The following ASXL3 variants were observed in gnomAD, a reference collection of about 807,000 sequenced individuals.
The protein encoded by ASXL3 is putative Polycomb group protein ASXL3.
Under a neutral mutation model 170.6 loss-of-function variants are expected in ASXL3, and 34 were observed. The ratio of observed to expected loss-of-function variants is 0.20; its 90% confidence interval spans 0.15 to 0.27. The LOEUF is 0.27. Ranked by LOEUF, ASXL3 falls within the 10% of genes least tolerant of loss-of-function variation. The pLI is 1.00. For missense variants in ASXL3, 2,592 were observed against 2,695.3 expected, an observed-to-expected ratio of 0.96 and a Z score of 0.85; for synonymous variants, 1,002 against 989.1, an observed-to-expected ratio of 1.01 and a Z score of -0.24.
At chr18:33,594,852 G>C (rs2065111184) in intron 1 of ASXL3, among the ~76,000 whole-genome samples, 1 of 152,088 alleles carries the variant, frequency 6.6e-6, no homozygotes. Flanking sequence ...TGGGATTACA[G>C]GCATGAACCA....
intron 9 of ASXL3, among the ~76,000 whole-genome samples, chr18:33,733,856 G>A (rs1445740473): frequency 2.0e-5 from 3 of 152,086 alleles, no homozygotes; most frequent in African/African-American, 7.2e-5. Flanking sequence ...TCCTATATGT[G>A]GTCCTCCTTA....
intron 8 of ASXL3, among the ~76,000 whole-genome samples, chr18:33,724,819 T>C (rs1448444091): frequency 6.6e-6 from 1 of 152,164 alleles, no homozygotes; most frequent in Non-Finnish European, 1.5e-5. Flanking sequence ...ATTGTCTTAC[T>C]GCAATTTTGG....
intron 7 of ASXL3, among the ~76,000 whole-genome samples, chr18:33,672,452 C>G (rs771207330): frequency 6.6e-6 from 1 of 152,136 alleles, no homozygotes; most frequent in Non-Finnish European, 1.5e-5. Context: ...AACTTTTCAT[C>G]AGGAACCCCC....
chr18:33,657,021 T>G (rs1180741554), intron 4 of ASXL3, among the ~76,000 whole-genome samples: 1 of 152,142 alleles, frequency 6.6e-6, no homozygotes, highest in East Asian at 1.9e-4. Flanking sequence ...TCTTCGCATG[T>G]AAGTCCCTGA....
At chr18:33,626,912 G>A (rs889701817) in intron 2 of ASXL3, 6 of 153,046 alleles carry the variant, frequency 3.9e-5, no homozygotes, top group South Asian at 2.1e-4. Context: ...TGTGTATGAA[G>A]GATCTTCCTC....
chr18:33,631,863 A>G (rs565545017), intron 2 of ASXL3, among the ~76,000 whole-genome samples: 1 of 152,274 alleles, frequency 6.6e-6, no homozygotes, highest in East Asian at 1.9e-4. Context: ...AATATTTTAA[A>G]CCATTTGATG....
intron 4 of ASXL3, among the ~76,000 whole-genome samples, chr18:33,659,824 G>T (rs1275178217): frequency 6.6e-6 from 1 of 152,000 alleles, no homozygotes; most frequent in African/African-American, 2.4e-5. Flanking sequence ...AAAGTCATAT[G>T]ATCTTTAATT....
At chr18:33,660,645 C>G (rs1340601459) in intron 4 of ASXL3, among the ~76,000 whole-genome samples, 1 of 152,140 alleles carries the variant, frequency 6.6e-6, no homozygotes, top group Non-Finnish European at 1.5e-5. Flanking sequence ...TTGCCTCCTG[C>G]CTTTGACATA....
At chr18:33,734,492 C>CAT in intron 10 of ASXL3, 77 bp downstream of exon 10, 1 of 858,408 alleles carries the variant, frequency 1.2e-6, no homozygotes, top group South Asian at 2.2e-5. Context: ...ATAGCACACT[C>CAT]ATATGCTGTA....
intron 4 of ASXL3, among the ~76,000 whole-genome samples, chr18:33,651,611 A>G (rs2066000391): frequency 6.6e-6 from 1 of 152,148 alleles, no homozygotes. Flanking sequence ...ATGCGTTGAA[A>G]GAATAAGCCG....
intron 7 of ASXL3, among the ~76,000 whole-genome samples, chr18:33,679,887 A>G (rs980223417): frequency 1.3e-5 from 2 of 151,934 alleles, no homozygotes; most frequent in African/African-American, 2.4e-5. Flanking sequence ...TCCTCTTCAC[A>G]TTTGTTTATA....
intron 4 of ASXL3, among the ~76,000 whole-genome samples, chr18:33,660,834 G>T (rs961687636): frequency 6.6e-6 from 1 of 152,152 alleles, no homozygotes; most frequent in African/African-American, 2.4e-5. Flanking sequence ...CGTTTGAGGA[G>T]AACTAAAGGT....
At chr18:33,619,954 G>A (rs2065483993) in intron 2 of ASXL3, among the ~76,000 whole-genome samples, 1 of 152,040 alleles carries the variant, frequency 6.6e-6, no homozygotes, top group Non-Finnish European at 1.5e-5. Context: ...AGAAAAGGAG[G>A]CCTGAATGAA....
intron 2 of ASXL3, among the ~76,000 whole-genome samples, chr18:33,635,649 T>C (rs1168953947): frequency 6.6e-6 from 1 of 152,200 alleles, no homozygotes; most frequent in Non-Finnish European, 1.5e-5. Context: ...GGTGATGAAA[T>C]CAATCCTATT....
At position 33,747,336 on chromosome 18, in the gene ASXL3, T is replaced by G. The variant is rs937425745; in HGVS notation, c.*741T>G. 1 of 150,852 alleles carries G rather than the reference T, an allele frequency of 6.6e-6. No individual in the cohort carries two copies. The highest frequency in any genetic ancestry group is 2.4e-5 in the African/African-American group (1 of 40,930). The allele number at this position is 150,852 out of a possible 1,614,324, so 9.3% of individuals were successfully genotyped here. A position where few individuals can be genotyped will look rare whatever the true frequency, so the allele number is the denominator to read the frequency against. On this transcript the variant is annotated 3_prime_UTR_variant, in exon 12 of 12. Coordinates refer to ENST00000269197, the MANE Select transcript of ASXL3 (RefSeq NM_030632.3). Reference sequence around the variant, plus strand: ...TCTAGGCCTTTGACACCTGATAATATGAGAGCAATTGGCCAGCCAATAGCC... The same window carrying G: ...TCTAGGCCTTTGACACCTGATAATAGGAGAGCAATTGGCCAGCCAATAGCC...
chr18:33,641,136 G>A lies in ASXL3; in HGVS notation c.138-3758G>A, dbSNP rs141188447. On this transcript the variant is annotated intron_variant, in intron 2 of 11. Coordinates refer to ENST00000269197, the MANE Select transcript of ASXL3 (RefSeq NM_030632.3). ...GTCTAGTTTTTAAAATTATTTAATAGATAGGCCTTTCATTCCTTTCACTAA... is the reference window on the plus strand; with the variant it reads ...GTCTAGTTTTTAAAATTATTTAATAAATAGGCCTTTCATTCCTTTCACTAA... 6.3e-4 allele frequency among the ~76,000 whole-genome samples: 96 copies of A among 152,132 alleles called. No homozygotes were observed. In the East Asian group the frequency reaches 0.017, roughly 26 times the overall value.
Position 33,682,359 on chromosome 18 carries a change from C to A in ASXL3, c.716-1046C>A, listed in dbSNP as rs1193507074. 5.3e-5 allele frequency among the ~76,000 whole-genome samples: 8 copies of A among 152,170 alleles called. No homozygotes were observed. The East Asian group carries it at 1.3e-3, about 26-fold the overall frequency. On this transcript the variant is annotated intron_variant, in intron 7 of 11. Coordinates refer to ENST00000269197, the MANE Select transcript of ASXL3 (RefSeq NM_030632.3). ...CAAGTCATTATCGTAGCTCAAGTAACAGAATGGTAATTCTTCTGTCTGTGT... is the reference window on the plus strand; with the variant it reads ...CAAGTCATTATCGTAGCTCAAGTAAAAGAATGGTAATTCTTCTGTCTGTGT...
intron 4 of ASXL3, among the ~76,000 whole-genome samples, chr18:33,655,333 C>T (rs1466336816): frequency 1.3e-5 from 2 of 151,908 alleles, no homozygotes; most frequent in East Asian, 1.9e-4. Context: ...ATTCCAGTTA[C>T]ATTAGGTATG....
At chr18:33,690,785 T>C (rs116494425) in intron 8 of ASXL3, among the ~76,000 whole-genome samples, 17 of 152,314 alleles carry the variant, frequency 1.1e-4, no homozygotes, top group African/African-American at 3.8e-4. Flanking sequence ...CTTTGCCATG[T>C]GGATGGTCTC....
Sources: gnomAD v4.1 joint callset for allele counts (sites outside exome capture counted in the v4.1 genomes callset) on GRCh38, gnomAD v4.1.1 for gene constraint, MANE v1.5 for transcripts, NCBI Gene and HGNC (gene_info 2026-07-23, HGNC 2026-07-21) for gene names.